Variants in HIP1 observed in about 807,000 individuals in gnomAD.
HIP1 encodes the protein huntingtin interacting protein 1.
In HIP1, 65 loss-of-function variants were observed where a neutral mutation model predicts 147.6. The ratio of observed to expected loss-of-function variants is 0.44; its 90% CI spans 0.36 to 0.54. The LOEUF (loss-of-function observed/expected upper bound fraction) is 0.54. Among genes scored for constraint, HIP1 ranks in the 20% least tolerant of loss-of-function variants. The pLI is 0.00. For synonymous variants in HIP1, 479 were observed against 504.0 expected (o/e 0.95, Z 0.67); for missense variants, 1,061 against 1,299.6 (o/e 0.82, Z 2.82).
intron 8 of HIP1, among the ~76,000 whole-genome samples, chr7:75,570,294 CTTT>C (rs782607899): frequency 7.4e-6 from 1 of 135,188 alleles, no homozygotes. Flanking sequence ...TGACACGTTT[CTTT>C]TTTTTTTTTT....
chr7:75,632,561 CT>C (rs58364410), intron 1 of HIP1, among the ~76,000 whole-genome samples: 59,633 of 133,958 alleles, frequency 0.45, 12,204 homozygotes, highest in African/African-American at 0.55. Flanking sequence ...CTAATTTTTT[CT>C]TTTTTTTTTT....
intron 5 of HIP1, among the ~76,000 whole-genome samples, chr7:75,586,021 C>G (rs2116943472): frequency 6.6e-6 from 1 of 151,574 alleles, no homozygotes; most frequent in East Asian, 1.9e-4. Flanking sequence ...TTGCTATGGC[C>G]CAGGCTGGTC....
At chr7:75,586,959 G>A in intron 4 of HIP1, 126 bp from the exon 5 acceptor site, 2 of 681,194 alleles carry the variant, frequency 2.9e-6, no homozygotes, top group South Asian at 3.3e-5. Context: ...TATTTATTTA[G>A]AGATGGGGTC....
At chr7:75,651,245 G>A (rs1415508975) in intron 1 of HIP1, among the ~76,000 whole-genome samples, 2 of 151,672 alleles carry the variant, frequency 1.3e-5, no homozygotes, top group Non-Finnish European at 2.9e-5. Flanking sequence ...CGATCACGAG[G>A]TCAGGAGTTC....
intron 1 of HIP1, among the ~76,000 whole-genome samples, chr7:75,732,601 G>A (rs1288570933): frequency 2.0e-5 from 3 of 151,956 alleles, no homozygotes; most frequent in East Asian, 1.9e-4. Flanking sequence ...GGCTGGTCTC[G>A]AACTCCTGGG....
chr7:75,689,255 C>G (rs1426722532), intron 1 of HIP1, among the ~76,000 whole-genome samples: 1 of 151,946 alleles, frequency 6.6e-6, no homozygotes, highest in Non-Finnish European at 1.5e-5. Context: ...CATGTAATCC[C>G]AGCACTTTGG....
chr7:75,622,486 A>G (rs1469161116), intron 1 of HIP1, among the ~76,000 whole-genome samples: 5 of 151,648 alleles, frequency 3.3e-5, no homozygotes, highest in African/African-American at 1.2e-4. Flanking sequence ...GGATTGCTTG[A>G]GCCCAGGAGT....
chr7:75,680,926 C>T (rs1800043991), intron 1 of HIP1, among the ~76,000 whole-genome samples: 1 of 152,148 alleles, frequency 6.6e-6, no homozygotes, highest in Non-Finnish European at 1.5e-5. Context: ...CAGGCGCCCA[C>T]CACCACACCT....
At chr7:75,704,221 C>CTTTTA (rs1459217069) in intron 1 of HIP1, among the ~76,000 whole-genome samples, 3 of 152,020 alleles carry the variant, frequency 2.0e-5, no homozygotes, top group African/African-American at 4.8e-5. Context: ...ACATAACAGC[C>CTTTTA]TTTTATTTTA....
chr7:75,645,738 A>G (rs1798780179), intron 1 of HIP1, among the ~76,000 whole-genome samples: 1 of 152,238 alleles, frequency 6.6e-6, no homozygotes, highest in South Asian at 2.1e-4. Flanking sequence ...GTACATATCC[A>G]ACAAGGAATA....
At chr7:75,715,294 G>A (rs556680353) in intron 1 of HIP1, among the ~76,000 whole-genome samples, 2 of 152,194 alleles carry the variant, frequency 1.3e-5, no homozygotes, top group Non-Finnish European at 2.9e-5. Flanking sequence ...AGGAGGCTGA[G>A]GCAGGAGGGT....
intron 1 of HIP1, among the ~76,000 whole-genome samples, chr7:75,730,392 T>C (rs1429765167): frequency 5.3e-5 from 8 of 150,504 alleles, no homozygotes; most frequent in Non-Finnish European, 1.0e-4. Context: ...CAGGCTGGAG[T>C]GCAATGGCGC....
intron 19 of HIP1, among the ~76,000 whole-genome samples, chr7:75,554,802 G>A (rs1338662909): frequency 2.0e-5 from 3 of 152,084 alleles, no homozygotes; most frequent in Admixed American, 6.6e-5. Context: ...TGGGCCTGGC[G>A]TGGTGTCTCA....
intron 1 of HIP1, among the ~76,000 whole-genome samples, chr7:75,653,086 T>C (rs1351723256): frequency 2.0e-5 from 3 of 152,014 alleles, no homozygotes; most frequent in Non-Finnish European, 4.4e-5. Flanking sequence ...AAAACTCTGG[T>C]AAATAACATA....
intron 22 of HIP1, among the ~76,000 whole-genome samples, chr7:75,550,407 T>G (rs34565004): frequency 0.13 from 20,300 of 152,118 alleles, 1,499 homozygotes; most frequent in Middle Eastern, 0.21. Context: ...TTGTTGTGTC[T>G]TATTTTATTT....
chr7:75,668,364 G>A (rs1265258470), intron 1 of HIP1, among the ~76,000 whole-genome samples: 3 of 151,994 alleles, frequency 2.0e-5, no homozygotes, highest in Non-Finnish European at 2.9e-5. Context: ...CACTCTTGTC[G>A]CCCAGGCTGG....
At chr7:75,615,025 G>A (rs1222936466) in intron 1 of HIP1, among the ~76,000 whole-genome samples, 2 of 151,618 alleles carry the variant, frequency 1.3e-5, no homozygotes, top group South Asian at 2.1e-4. Context: ...CACCTGCCTC[G>A]GCCTCCCAAA....
intron 1 of HIP1, among the ~76,000 whole-genome samples, chr7:75,684,549 C>G (rs1800197015): frequency 6.6e-6 from 1 of 151,840 alleles, no homozygotes; most frequent in South Asian, 2.1e-4. Context: ...TGAACTCCCA[C>G]TTGCTTTTTT....
chr7:75,616,427 G>T (rs1242397602), intron 1 of HIP1, among the ~76,000 whole-genome samples: 1 of 151,944 alleles, frequency 6.6e-6, no homozygotes, highest in Non-Finnish European at 1.5e-5. Context: ...GCACCACCAC[G>T]CCAGGCTAAT....
Sources: allele counts gnomAD v4.1 joint callset (sites outside exome capture counted in the v4.1 genomes callset), GRCh38; gene constraint gnomAD v4.1.1; transcripts MANE v1.5; gene names NCBI Gene and HGNC (gene_info 2026-07-23, HGNC 2026-07-21).